Variants in CAST observed in about 807,000 individuals in gnomAD.
CAST encodes the protein MIR583 host.
Under a neutral mutation model 119.6 loss-of-function variants are expected in CAST, and 76 were observed. The ratio of observed to expected loss-of-function variants is 0.64; its 90% CI spans 0.53 to 0.77. The LOEUF (loss-of-function observed/expected upper bound fraction) is 0.77, where lower values mean the gene tolerates loss of function less well. CAST is among the 30% of genes least tolerant of loss of function. The probability of loss-of-function intolerance (pLI) is 0.00; values close to 1 mark genes in which losing one functional copy is unlikely to be tolerated. For synonymous variants in CAST, 319 were observed against 331.6 expected (o/e 0.96, Z 0.41); for missense variants, 953 against 946.5 (o/e 1.01, Z -0.09).
chr5:96,243,784 T>C, the CAST span, among the ~76,000 whole-genome samples: 2 of 152,148 alleles, frequency 1.3e-5, no homozygotes, highest in African/African-American at 2.4e-5. Context: ...TAACCCTACT[T>C]TGGGTAAAAC....
At chr5:96,589,114 A>ATGG (rs1746916656) in intron 1 of CAST, among the ~76,000 whole-genome samples, 1 of 151,974 alleles carries the variant, frequency 6.6e-6, no homozygotes, top group African/African-American at 2.4e-5. Flanking sequence ...TCAGAAAATG[A>ATGG]TTTAATTTAC....
the CAST span, among the ~76,000 whole-genome samples, chr5:96,503,835 C>T: frequency 1.3e-5 from 2 of 152,320 alleles, no homozygotes; most frequent in Middle Eastern, 6.8e-3. Context: ...TGGCCTGCAC[C>T]CCACCTTTCA....
chr5:96,238,127 C>A, the CAST span, among the ~76,000 whole-genome samples: 1 of 151,964 alleles, frequency 6.6e-6, no homozygotes, highest in African/African-American at 2.4e-5. Flanking sequence ...CATAATTTAA[C>A]TACTAAATTT....
chr5:96,664,892 C>A (rs1316698272), intron 1 of CAST, among the ~76,000 whole-genome samples: 1 of 152,146 alleles, frequency 6.6e-6, no homozygotes, highest in African/African-American at 2.4e-5. Context: ...AGGTTCTTAT[C>A]AAAATGTACC....
chr5:96,620,284 T>TTTTC (rs1447825235), intron 1 of CAST, among the ~76,000 whole-genome samples: 2 of 142,326 alleles, frequency 1.4e-5, no homozygotes, highest in South Asian at 2.4e-4. Flanking sequence ...AGCCAGTTCT[T>TTTTC]TTTCTTTTTT....
At chr5:96,015,046 A>T in the CAST span, among the ~76,000 whole-genome samples, 1 of 152,160 alleles carries the variant, frequency 6.6e-6, no homozygotes, top group Admixed American at 6.5e-5. Flanking sequence ...GGCCTCAAAG[A>T]TGAAGAGATT....
chr5:96,106,543 T>C, the CAST span, among the ~76,000 whole-genome samples: 1 of 150,710 alleles, frequency 6.6e-6, no homozygotes, highest in East Asian at 1.9e-4. Context: ...TTGAGTGAGA[T>C]TCTTAATCCT....
chr5:96,159,489 A>G, the CAST span, among the ~76,000 whole-genome samples: 1 of 152,216 alleles, frequency 6.6e-6, no homozygotes, highest in South Asian at 2.1e-4. Flanking sequence ...AGAAAAAGCT[A>G]GTAACTTCCC....
intron 1 of CAST, among the ~76,000 whole-genome samples, chr5:96,565,802 A>G (rs1408028669): frequency 6.6e-6 from 1 of 152,332 alleles, no homozygotes; most frequent in Non-Finnish European, 1.5e-5. Context: ...CTGCTCTCCT[A>G]CAGGGTAATT....
chr5:96,080,892 C>G, the CAST span, among the ~76,000 whole-genome samples: 2 of 152,032 alleles, frequency 1.3e-5, 1 homozygote, highest in South Asian at 4.2e-4. Context: ...TCTCTTAGCC[C>G]CTGTGTTATG....
At chr5:96,044,141 G>A in the CAST span, among the ~76,000 whole-genome samples, 1 of 152,334 alleles carries the variant, frequency 6.6e-6, no homozygotes, top group East Asian at 1.9e-4. Context: ...GCTGCTGTTA[G>A]GAGTGAAAAC....
the CAST span, among the ~76,000 whole-genome samples, chr5:96,483,220 G>A: frequency 6.6e-6 from 1 of 152,254 alleles, no homozygotes; most frequent in Admixed American, 6.5e-5. Flanking sequence ...AAGGCTATGA[G>A]AAACTGTGTT....
At chr5:96,597,800 A>G (rs1361367597) in intron 1 of CAST, among the ~76,000 whole-genome samples, 1 of 152,180 alleles carries the variant, frequency 6.6e-6, no homozygotes, top group Non-Finnish European at 1.5e-5. Flanking sequence ...TAACCCTGCT[A>G]AGTAAATATC....
At chr5:96,332,415 C>CTT in the CAST span, among the ~76,000 whole-genome samples, 1 of 143,240 alleles carries the variant, frequency 7.0e-6, no homozygotes, top group African/African-American at 2.5e-5. Flanking sequence ...TTGATTTCGG[C>CTT]TTTTTTTTTT....
chr5:96,271,381 T>C, the CAST span, among the ~76,000 whole-genome samples: 1 of 152,040 alleles, frequency 6.6e-6, no homozygotes, highest in Non-Finnish European at 1.5e-5. Flanking sequence ...CAAATCAGCA[T>C]GGTACAAGCA....
the CAST span, among the ~76,000 whole-genome samples, chr5:96,050,651 G>T: frequency 6.6e-6 from 1 of 152,184 alleles, no homozygotes; most frequent in Non-Finnish European, 1.5e-5. Context: ...AAGCTATTTG[G>T]GGGAGCAGCT....
the CAST span, among the ~76,000 whole-genome samples, chr5:96,057,074 G>A: frequency 1.3e-5 from 2 of 152,184 alleles, no homozygotes; most frequent in African/African-American, 2.4e-5. Context: ...GTGATGTATG[G>A]AAGATGGAAG....
chr5:96,743,371 G>C (rs975196983), intron 16 of CAST, among the ~76,000 whole-genome samples: 3 of 152,192 alleles, frequency 2.0e-5, no homozygotes, highest in African/African-American at 7.2e-5. Flanking sequence ...TTTCAACTCA[G>C]TCCTCTGGGG....
At chr5:96,025,350 T>G in the CAST span, among the ~76,000 whole-genome samples, 6 of 152,096 alleles carry the variant, frequency 3.9e-5, no homozygotes, top group Admixed American at 3.3e-4. Flanking sequence ...TCCTTTCATG[T>G]CTTTTCTTAT....
Sources: gnomAD v4.1 joint callset for allele counts (sites outside exome capture counted in the v4.1 genomes callset) on GRCh38, gnomAD v4.1.1 for gene constraint, MANE v1.5 for transcripts, NCBI Gene and HGNC (gene_info 2026-07-23, HGNC 2026-07-21) for gene names.